The following ULK4 variants were observed in gnomAD, a reference collection of about 807,000 sequenced individuals.
ULK4 encodes inactive serine/threonine-protein kinase ULK4.
Under a neutral mutation model 160.6 loss-of-function variants are expected in ULK4, and 133 were observed. That is an observed-to-expected ratio of 0.83 (90% confidence interval 0.72 to 0.96). The LOEUF (loss-of-function observed/expected upper bound fraction) is 0.96, where lower values mean the gene tolerates loss of function less well. Among genes scored for constraint, ULK4 ranks in the 40% least tolerant of loss-of-function variants. The probability of loss-of-function intolerance (pLI) is 0.00; values close to 1 mark genes in which losing one functional copy is unlikely to be tolerated. For synonymous variants in ULK4, 534 were observed against 539.8 expected, an observed-to-expected ratio of 0.99 and a Z score of 0.15; for missense variants, 1,580 against 1,499.5, an observed-to-expected ratio of 1.05 and a Z score of -0.89.
At chr3:41,642,729 G>A (rs1559454359) in intron 30 of ULK4, among the ~76,000 whole-genome samples, 1 of 152,194 alleles carries the variant, frequency 6.6e-6, no homozygotes, top group African/African-American at 2.4e-5. Context: ...TGGGTCAAAT[G>A]GTATTTCTAG....
chr3:41,554,810 T>C (rs2087225333), intron 32 of ULK4, among the ~76,000 whole-genome samples: 1 of 152,152 alleles, frequency 6.6e-6, no homozygotes, highest in Non-Finnish European at 1.5e-5. Flanking sequence ...AGGTACCCTA[T>C]AAATGTGTAC....
At chr3:41,385,888 A>G (rs2081796733) in intron 35 of ULK4, among the ~76,000 whole-genome samples, 1 of 152,182 alleles carries the variant, frequency 6.6e-6, no homozygotes, top group Admixed American at 6.6e-5. Flanking sequence ...CATTCTTTCT[A>G]TTCCACTAAG....
At chr3:41,681,920 C>A in intron 27 of ULK4, 116 bp from the exon 28 acceptor site, 12 of 1,047,150 alleles carry the variant, frequency 1.1e-5, no homozygotes, top group Non-Finnish European at 1.7e-5. Context: ...AAAAAAGCAA[C>A]GGCTAAGTTT....
intron 30 of ULK4, among the ~76,000 whole-genome samples, chr3:41,658,745 A>ACACACACTCT (rs2035038266): frequency 6.6e-6 from 1 of 150,902 alleles, no homozygotes. Context: ...ACACACACAC[A>ACACACACTCT]CACACACACA....
At chr3:41,825,026 C>A (rs974183704) in intron 18 of ULK4, among the ~76,000 whole-genome samples, 1 of 152,228 alleles carries the variant, frequency 6.6e-6, no homozygotes, top group African/African-American at 2.4e-5. Context: ...TGTTCTGCAG[C>A]CTCCGCTGCT....
intron 35 of ULK4, among the ~76,000 whole-genome samples, chr3:41,393,401 T>C (rs956114800): frequency 6.6e-6 from 1 of 152,150 alleles, no homozygotes; most frequent in Non-Finnish European, 1.5e-5. Context: ...CTGGCCCATG[T>C]CTTATGTCTT....
At chr3:41,267,928 G>A (rs1373645491) in intron 35 of ULK4, among the ~76,000 whole-genome samples, 4 of 152,184 alleles carry the variant, frequency 2.6e-5, no homozygotes, top group Admixed American at 6.5e-5. Flanking sequence ...GAGAGAGCCC[G>A]TGAAATAGGA....
intron 35 of ULK4, among the ~76,000 whole-genome samples, chr3:41,382,010 A>AC (rs755612459): frequency 3.3e-5 from 5 of 152,046 alleles, no homozygotes; most frequent in Admixed American, 2.0e-4. Context: ...CCTGCTCCAA[A>AC]CACTCCCTGG....
chr3:41,956,342 G>A (rs1260201688), intron 1 of ULK4, among the ~76,000 whole-genome samples: 1 of 152,180 alleles, frequency 6.6e-6, no homozygotes, highest in East Asian at 1.9e-4. Flanking sequence ...TTTGGACCGG[G>A]TATCTGTATC....
At chr3:41,808,276 C>A (rs1005846907) in intron 19 of ULK4, among the ~76,000 whole-genome samples, 1 of 152,262 alleles carries the variant, frequency 6.6e-6, no homozygotes, top group South Asian at 2.1e-4. Context: ...TTTATAGAAG[C>A]CTTCTCAAAT....
At chr3:41,485,416 T>C (rs1304168395) in intron 32 of ULK4, among the ~76,000 whole-genome samples, 1 of 152,152 alleles carries the variant, frequency 6.6e-6, no homozygotes, top group Non-Finnish European at 1.5e-5. Context: ...ACTACAGAAA[T>C]ATAGAAGGCT....
Position 41,754,490 on chromosome 3 carries a change from TG to T in ULK4, c.2194-3del. On this transcript the variant is annotated splice_polypyrimidine_tract_variant and splice_region_variant and intron_variant, in intron 21 of 36. Coordinates refer to ENST00000301831, the MANE Select transcript of ULK4 (RefSeq NM_017886.4). ...ACGGATAATTGTGGAGACAAAACCC[TG>T]TAGAAGACATTTAAACAATTTTTTG... 6.2e-7 allele frequency: 1 copy of T among 1,606,696 alleles called. No homozygotes were observed. Among genetic ancestry groups the T allele is most frequent in the Admixed American group, 1.7e-5 (1 of 58,242 alleles).
At chr3:41,559,684 G>A (rs1036913391) in intron 32 of ULK4, among the ~76,000 whole-genome samples, 1 of 152,142 alleles carries the variant, frequency 6.6e-6, no homozygotes, top group Non-Finnish European at 1.5e-5. Context: ...CTTTTGAGAA[G>A]TGTCTGTTCA....
chr3:41,460,063 A>G (rs566807627), intron 33 of ULK4, among the ~76,000 whole-genome samples: 1 of 152,288 alleles, frequency 6.6e-6, no homozygotes, highest in South Asian at 2.1e-4. Flanking sequence ...ATCAAGTTGG[A>G]TAATTATAAG....
intron 32 of ULK4, among the ~76,000 whole-genome samples, chr3:41,483,945 T>C (rs1208376828): frequency 1.3e-5 from 2 of 152,200 alleles, no homozygotes; most frequent in East Asian, 3.9e-4. Context: ...AGCTTGGTTT[T>C]CCAAGGCAAG....
At chr3:41,401,175 G>A (rs1010368165) in intron 34 of ULK4, among the ~76,000 whole-genome samples, 5 of 152,274 alleles carry the variant, frequency 3.3e-5, no homozygotes, top group Non-Finnish European at 7.4e-5. Flanking sequence ...CTTAGCAATC[G>A]TGCTGTGGTG....
chr3:41,374,632 A>G (rs536699869), intron 35 of ULK4, among the ~76,000 whole-genome samples: 16 of 152,270 alleles, frequency 1.1e-4, no homozygotes, highest in African/African-American at 2.2e-4. Context: ...TTGACGGAAC[A>G]TATCTCAAAA....
rs544679151 is a variant in ULK4, at chr3:41,868,133, T to A, written c.1656+15741A>T. ...TCTATAAATGTTATTTCAATTTCAT[T>A]AATATCATTCAAATCTTCCATGTTC... On this transcript the variant is annotated intron_variant, in intron 17 of 36. Coordinates refer to ENST00000301831, the MANE Select transcript of ULK4 (RefSeq NM_017886.4). 1.1e-3 allele frequency among the ~76,000 whole-genome samples: 175 copies of A among 152,320 alleles called. 1 individual carries two copies. The highest frequency in any genetic ancestry group is 1.8e-3 in the Non-Finnish European group (125 of 68,024).
Position 41,570,804 on chromosome 3 carries a change from T to A in ULK4, c.3121-4674A>T, listed in dbSNP as rs193225009. On this transcript the variant is annotated intron_variant, in intron 31 of 36. Transcript: ENST00000301831. ...TGGACGCTAAGAACACAGAATCAGA[T>A]CCCAGCCAATCAGGTCCCGGGACCC... Among the ~76,000 whole-genome samples, 4 of 152,120 alleles carry A rather than the reference T, an allele frequency of 2.6e-5. No homozygotes were observed. In the East Asian group the frequency reaches 7.7e-4, roughly 29 times the overall value.
Sources: gnomAD v4.1 joint callset for allele counts (sites outside exome capture counted in the v4.1 genomes callset) on GRCh38, gnomAD v4.1.1 for gene constraint, MANE v1.5 for transcripts, NCBI Gene and HGNC (gene_info 2026-07-23, HGNC 2026-07-21) for gene names.